Variants in SEMA4B observed in about 807,000 individuals in gnomAD.
SEMA4B encodes the protein semaphorin-4B.
SEMA4B carries 55 observed loss-of-function variants against 88.1 expected under a neutral mutation model. That is an observed-to-expected ratio of 0.62 (90% confidence interval 0.50 to 0.78). SEMA4B has a LOEUF of 0.78. SEMA4B is among the 30% of genes least tolerant of loss of function. The probability of loss-of-function intolerance (pLI) is 0.00; values close to 1 mark genes in which losing one functional copy is unlikely to be tolerated. For synonymous variants in SEMA4B, 525 were observed against 473.6 expected, an observed-to-expected ratio of 1.11 and a Z score of -1.41; for missense variants, 1,062 against 1,111.9, an observed-to-expected ratio of 0.96 and a Z score of 0.64.
chr15:90,201,274 G>T, upstream of SEMA4B: 1 of 1,085,248 alleles, frequency 9.2e-7, no homozygotes, highest in Non-Finnish European at 1.1e-6. Flanking sequence ...GAAGGGGGAA[G>T]GGGGCGGGCC....
chr15:90,207,563 T>C (rs538445408), intron 1 of SEMA4B, among the ~76,000 whole-genome samples: 2 of 152,312 alleles, frequency 1.3e-5, no homozygotes, highest in East Asian at 3.9e-4. Flanking sequence ...GCTAACTCAT[T>C]ATCAAGGTCA....
chr15:90,190,969 G>A (rs182912852), intron 1 of SEMA4B, among the ~76,000 whole-genome samples: 15 of 152,290 alleles, frequency 9.8e-5, no homozygotes, highest in South Asian at 2.1e-4. Flanking sequence ...TGTAGAGACC[G>A]GGTCTTCCTA....
chr15:90,199,806 AAAGAGC>A (rs1228710742), upstream of SEMA4B, among the ~76,000 whole-genome samples: 2 of 151,986 alleles, frequency 1.3e-5, no homozygotes, highest in Non-Finnish European at 2.9e-5. Flanking sequence ...AGCCTGGGCA[AAAGAGC>A]AAGACTCTGT....
At chr15:90,223,248 G>A (rs1297855820) in intron 7 of SEMA4B, among the ~76,000 whole-genome samples, 1 of 152,016 alleles carries the variant, frequency 6.6e-6, no homozygotes, top group Non-Finnish European at 1.5e-5. Flanking sequence ...GTACCATCCC[G>A]ACCTTGTACT....
Position 90,228,067 on chromosome 15 carries a change from G to T in SEMA4B, c.1938G>T (p.Val646=). ...HVLPTGDLLL[V]GTQQLGEFQC... ...TACCCACTGGGGACCTGCTGCTGGT[G>T]GGCACCCAACAGCTGGGGGAGTTCC... The change falls in exon 14 of 14, where the codon GTG becomes GTT. Residue 646 remains valine (V), a synonymous_variant. Transcript: ENST00000411539. 6.2e-7 allele frequency: 1 copy of T among 1,613,606 alleles called. No homozygotes were observed. The highest frequency in any genetic ancestry group is 8.5e-7 in the Non-Finnish European group (1 of 1,179,708).
In SEMA4B at chr15:90,228,512, C is replaced by G. The variant is rs770163319; in HGVS notation, c.2383C>G (p.Pro795Ala). ...RGYQSLSDSP[P>A]GSRVFTESEK... ...GTACCAGTCCCTGTCAGACAGCCCC[C>G]CGGGGTCCCGAGTCTTCACTGAGTC... is the stretch of plus-strand genomic sequence containing the variant. Residue 795 changes from proline to alanine, a missense_variant, in exon 14 of 14, where the codon CCG becomes GCG. Pro to Ala is a conservative substitution (Grantham distance 27). Transcript: ENST00000411539. 2 of 1,611,406 alleles carry G rather than the reference C, an allele frequency of 1.2e-6. No individual in the cohort carries two copies. Among genetic ancestry groups the G allele is most frequent in the East Asian group, 2.2e-5 (1 of 44,834 alleles).
At chr15:90,211,922 C>G (rs1436567069) in intron 1 of SEMA4B, among the ~76,000 whole-genome samples, 2 of 152,002 alleles carry the variant, frequency 1.3e-5, no homozygotes, top group African/African-American at 4.8e-5. Flanking sequence ...CTGCCGTGCC[C>G]GGAGCCACAG....
upstream of SEMA4B, among the ~76,000 whole-genome samples, chr15:90,196,644 G>T (rs1324026471): frequency 6.6e-6 from 1 of 151,726 alleles, no homozygotes; most frequent in Admixed American, 6.6e-5. Flanking sequence ...GTGCCACCAC[G>T]CCCAGCTAAT....
chr15:90,224,013 G>A, intron 9 of SEMA4B, 25 bp downstream of exon 9: 1 of 1,593,210 alleles, frequency 6.3e-7, no homozygotes, highest in Non-Finnish European at 8.6e-7. Context: ...CCTGCACCCA[G>A]AAGGGGTGCC....
intron 4 of SEMA4B, chr15:90,220,366 TC>T (rs201858549): frequency 0.026 from 3,500 of 135,294 alleles, 283 homozygotes; most frequent in African/African-American, 0.062. Flanking sequence ...CTTTTTCTTT[TC>T]TTTTTTTTTT....
intron 1 of SEMA4B, among the ~76,000 whole-genome samples, chr15:90,202,431 G>T (rs573083461): frequency 2.7e-4 from 41 of 152,330 alleles, no homozygotes; most frequent in African/African-American, 9.9e-4. Context: ...ATCCTGGTTG[G>T]CTGGGTTCCT....
At chr15:90,224,023 C>T (rs774700570) in intron 9 of SEMA4B, 35 bp downstream of exon 9, 20 of 1,583,226 alleles carry the variant, frequency 1.3e-5, no homozygotes, top group East Asian at 1.1e-4. Flanking sequence ...GAAGGGGTGC[C>T]GGGAAGATGT....
At position 90,225,728 on chromosome 15, in the gene SEMA4B, G is replaced by T. The variant is rs771614046; in HGVS notation, c.1589G>T (p.Arg530Met). 5 of 1,572,210 alleles carry T rather than the reference G, an allele frequency of 3.2e-6. No homozygotes were observed. The highest frequency in any genetic ancestry group is 3.4e-6 in the Non-Finnish European group (4 of 1,159,810). The change falls in exon 12 of 14, where the codon AGG becomes ATG. Residue 530 changes from arginine to methionine, a missense_variant. Transcript: ENST00000411539. ...CCCATGGCCAACTGCAGCCTGTACAGGAGCTGTGGGGACTGCCTCCTCGCC... is the reference window on the plus strand; with the variant it reads ...CCCATGGCCAACTGCAGCCTGTACATGAGCTGTGGGGACTGCCTCCTCGCC... ...QVPMANCSLY[R>M]SCGDCLLARD... is the part of the protein sequence containing the mutation.
chr15:90,215,194 A>C (rs1028328944), intron 1 of SEMA4B, among the ~76,000 whole-genome samples: 1 of 148,632 alleles, frequency 6.7e-6, no homozygotes, highest in Non-Finnish European at 1.5e-5. Flanking sequence ...CATAAACAGT[A>C]CCCTGGTGGG....
Position 90,221,632 on chromosome 15 carries a change from C to T in SEMA4B, c.728C>T (p.Ser243Leu), listed in dbSNP as rs781666203. The stretch of plus-strand genomic sequence containing the variant: ...CCTACAGACCCAGCTTTTGTGGCCT[C>T]AGCCTACATTCCTGAGAGCCTGGGC... ...NWLQDPAFVASAYIPESLGSL... is the reference protein window; with the variant it reads ...NWLQDPAFVALAYIPESLGSL... The change falls in exon 7 of 14, where the codon TCA becomes TTA. Residue 243 changes from serine to leucine, a missense_variant. Ser to Leu is a moderately radical substitution (Grantham distance 145). Transcript: ENST00000411539. 6.2e-7 allele frequency: 1 copy of T among 1,614,042 alleles called. No individual in the cohort carries two copies. Among genetic ancestry groups the T allele is most frequent in the South Asian group, 1.1e-5 (1 of 91,088 alleles).
At chr15:90,215,319 G>T (rs763993989) in intron 1 of SEMA4B, among the ~76,000 whole-genome samples, 2 of 151,510 alleles carry the variant, frequency 1.3e-5, no homozygotes, top group Non-Finnish European at 2.9e-5. Context: ...AGAAAAGAAA[G>T]CTACCTGTAA....
At chr15:90,227,832 G>A in intron 13 of SEMA4B, 72 bp from the exon 14 acceptor site, 1 of 1,595,048 alleles carries the variant, frequency 6.3e-7, no homozygotes, top group Non-Finnish European at 8.5e-7. Flanking sequence ...GCATAGCCCA[G>A]AGGGAGGCAG....
rs1320090623 is a variant in SEMA4B at position 90,220,367 on chromosome 15, CT to C, written c.483+494del. ...TTTATTTCTTTTTTCTTTTTCTTTT[CT>C]TTTTTTTTTTTTTTTTTGAGATGGA... is the stretch of plus-strand genomic sequence containing the variant. On this transcript the variant is annotated intron_variant, in intron 4 of 13. Transcript: ENST00000411539. 543 of 125,250 alleles carry C rather than the reference CT, an allele frequency of 4.3e-3. 2 individuals carry two copies. Among genetic ancestry groups the C allele is most frequent in the African/African-American group, 0.016 (476 of 29,590 alleles). The allele number at this position is 125,250 out of a possible 1,614,324, so 7.8% of individuals were successfully genotyped here. A position where few individuals can be genotyped will look rare whatever the true frequency, so the allele number is the denominator to read the frequency against.
upstream of SEMA4B, among the ~76,000 whole-genome samples, chr15:90,199,687 G>A (rs1960632714): frequency 6.6e-6 from 1 of 152,150 alleles, no homozygotes; most frequent in Admixed American, 6.5e-5. Flanking sequence ...TTAGCGGGGT[G>A]TGGTGGCATA....
Sources: allele counts gnomAD v4.1 joint callset (sites outside exome capture counted in the v4.1 genomes callset), GRCh38; gene constraint gnomAD v4.1.1; transcripts MANE v1.5; gene names NCBI Gene and HGNC (gene_info 2026-07-23, HGNC 2026-07-21).